MACROD2: variants seen among roughly 807,000 people sequenced by gnomAD.
MACROD2 encodes the protein mono-ADP ribosylhydrolase 2.
A neutral mutation model predicts 70.4 loss-of-function variants in MACROD2; 36 were observed. The observed-to-expected ratio is 0.51, with a 90% confidence interval of 0.39 to 0.68. MACROD2 has a LOEUF of 0.68. Ranked by LOEUF, MACROD2 falls within the 30% of genes least tolerant of loss-of-function variation. The pLI is 0.00. For missense variants in MACROD2, 496 were observed against 538.4 expected (o/e 0.92, Z 0.78); for synonymous variants, 172 against 178.8 (o/e 0.96, Z 0.30).
chr20:14,043,090 TA>T (rs1288862375), intron 2 of MACROD2, among the ~76,000 whole-genome samples: 1 of 152,084 alleles, frequency 6.6e-6, no homozygotes, highest in African/African-American at 2.4e-5. Flanking sequence ...GGCTAATTTT[TA>T]AATTTTTTTG....
intron 8 of MACROD2, among the ~76,000 whole-genome samples, chr20:15,673,200 G>T (rs1313040571): frequency 2.0e-5 from 3 of 152,132 alleles, no homozygotes; most frequent in African/African-American, 7.2e-5. Context: ...GGGAAGATAT[G>T]GGATCCTTCT....
At chr20:14,045,594 T>C (rs970450207) in intron 2 of MACROD2, among the ~76,000 whole-genome samples, 17 of 152,148 alleles carry the variant, frequency 1.1e-4, no homozygotes, top group South Asian at 2.1e-4. Context: ...TGCCCATTGA[T>C]AGAGTCTAAA....
intron 8 of MACROD2, among the ~76,000 whole-genome samples, chr20:15,740,565 ACTT>A (rs1335775733): frequency 3.3e-5 from 5 of 151,928 alleles, no homozygotes; most frequent in African/African-American, 1.2e-4. Context: ...CTAAAGCTAT[ACTT>A]CTTGTCCAGA....
chr20:14,364,940 T>C (rs932893007), intron 3 of MACROD2, among the ~76,000 whole-genome samples: 4 of 152,240 alleles, frequency 2.6e-5, no homozygotes, highest in African/African-American at 9.6e-5. Flanking sequence ...AGTTTTCATA[T>C]AGTGTTCTGT....
At chr20:15,072,936 T>C (rs2075629950) in intron 5 of MACROD2, among the ~76,000 whole-genome samples, 3 of 152,096 alleles carry the variant, frequency 2.0e-5, no homozygotes, top group Non-Finnish European at 4.4e-5. Flanking sequence ...TCCTCATGAA[T>C]AGGTTAATGT....
intron 2 of MACROD2, among the ~76,000 whole-genome samples, chr20:14,041,110 A>C (rs2053384601): frequency 6.6e-6 from 1 of 152,214 alleles, no homozygotes; most frequent in African/African-American, 2.4e-5. Context: ...AACATTTTTA[A>C]TTTACCTCAT....
At chr20:15,771,319 C>T (rs1310799246) in intron 8 of MACROD2, among the ~76,000 whole-genome samples, 3 of 149,174 alleles carry the variant, frequency 2.0e-5, no homozygotes, top group Non-Finnish European at 4.4e-5. Context: ...GGACTATAGG[C>T]ACACACCACC....
intron 4 of MACROD2, among the ~76,000 whole-genome samples, chr20:14,545,461 C>G (rs969400276): frequency 2.0e-5 from 3 of 152,158 alleles, no homozygotes; most frequent in Non-Finnish European, 4.4e-5. Context: ...AGGAACAGCT[C>G]CACCAGTCCC....
In MACROD2 at chr20:14,469,874, C is replaced by T. The variant is rs573714142; in HGVS notation, c.272-23605C>T. On this transcript the variant is annotated intron_variant, in intron 3 of 17. Transcript: ENST00000684519. ...AGCTTCCTTGTATTAGGTTAGAGCACGCTTCTTTAGCTCGGAGGAGTTTGT... is the reference window on the plus strand; with the variant it reads ...AGCTTCCTTGTATTAGGTTAGAGCATGCTTCTTTAGCTCGGAGGAGTTTGT... Among the ~76,000 whole-genome samples, 258 of 152,056 alleles carry T rather than the reference C, an allele frequency of 1.7e-3. 1 individual carries two copies. The highest frequency in any genetic ancestry group is 5.1e-3 in the African/African-American group (210 of 41,502).
At chr20:15,430,391 A>C (rs1276685284) in intron 6 of MACROD2, among the ~76,000 whole-genome samples, 2 of 152,074 alleles carry the variant, frequency 1.3e-5, no homozygotes, top group African/African-American at 4.8e-5. Context: ...AGGTTGTACT[A>C]ATTTACATTC....
chr20:14,448,314 A>T (rs2084206300), intron 3 of MACROD2, among the ~76,000 whole-genome samples: 1 of 152,036 alleles, frequency 6.6e-6, no homozygotes, highest in African/African-American at 2.4e-5. Flanking sequence ...GAATGTCCAG[A>T]GATGTCATGG....
intron 3 of MACROD2, among the ~76,000 whole-genome samples, chr20:14,272,084 G>A (rs914079401): frequency 2.0e-5 from 3 of 152,068 alleles, no homozygotes; most frequent in Admixed American, 1.3e-4. Context: ...GGTATTATCC[G>A]AGAGAACTTC....
chr20:15,803,647 A>G (rs1330859433), intron 8 of MACROD2, among the ~76,000 whole-genome samples: 1 of 152,144 alleles, frequency 6.6e-6, no homozygotes, highest in Non-Finnish European at 1.5e-5. Context: ...TATTGTCTCT[A>G]CTGTTCTATC....
chr20:15,573,992 C>T (rs1343751980), intron 8 of MACROD2, among the ~76,000 whole-genome samples: 1 of 152,106 alleles, frequency 6.6e-6, no homozygotes, highest in East Asian at 1.9e-4. Flanking sequence ...TGTGACATTT[C>T]CAATAGTTAC....
At chr20:15,156,335 G>GA (rs1043182305) in intron 5 of MACROD2, among the ~76,000 whole-genome samples, 3 of 151,872 alleles carry the variant, frequency 2.0e-5, no homozygotes, top group Middle Eastern at 3.4e-3. Context: ...CAGTGACTTA[G>GA]AAAAAAAAGC....
intron 6 of MACROD2, among the ~76,000 whole-genome samples, chr20:15,300,686 T>C (rs1362925378): frequency 1.3e-5 from 2 of 152,184 alleles, no homozygotes; most frequent in Non-Finnish European, 2.9e-5. Flanking sequence ...AAGAAGAAGC[T>C]ACAGTTTCAT....
intron 4 of MACROD2, among the ~76,000 whole-genome samples, chr20:14,519,876 T>A (rs2085145182): frequency 1.3e-5 from 2 of 152,158 alleles, no homozygotes; most frequent in African/African-American, 4.8e-5. Context: ...CATGGCATAC[T>A]ATGCAGCCAT....
At chr20:15,721,205 C>T (rs114575140) in intron 8 of MACROD2, among the ~76,000 whole-genome samples, 88 of 150,716 alleles carry the variant, frequency 5.8e-4, no homozygotes, top group African/African-American at 2.0e-3. Flanking sequence ...GGCTTGTAGA[C>T]GTGCTTCCAG....
At chr20:14,393,976 C>T (rs1215223599) in intron 3 of MACROD2, among the ~76,000 whole-genome samples, 4 of 152,070 alleles carry the variant, frequency 2.6e-5, no homozygotes, top group South Asian at 2.1e-4. Context: ...GGAAGAGGGC[C>T]GTCACTAAGA....
Sources: gnomAD v4.1 joint callset for allele counts (sites outside exome capture counted in the v4.1 genomes callset) on GRCh38, gnomAD v4.1.1 for gene constraint, MANE v1.5 for transcripts, NCBI Gene and HGNC (gene_info 2026-07-23, HGNC 2026-07-21) for gene names.